Variants in LRRC72 observed in about 807,000 individuals in gnomAD.
The protein encoded by LRRC72 is leucine rich repeat containing 72.
LRRC72 carries 41 observed loss-of-function variants against 35.8 expected under a neutral mutation model. That is an observed-to-expected ratio of 1.15 (90% CI 0.89 to 1.49). The LOEUF (loss-of-function observed/expected upper bound fraction) is 1.49. Ranked by LOEUF, LRRC72 falls within the 40% of genes most tolerant of loss-of-function variation. The pLI, the probability that LRRC72 is intolerant of heterozygous loss-of-function variation, is 0.00. For synonymous variants in LRRC72, 118 were observed against 119.2 expected (o/e 0.99, Z 0.07); for missense variants, 389 against 330.7 (o/e 1.18, Z -1.37).
At chr7:16,542,718 A>G (rs1329089339) in intron 3 of LRRC72, among the ~76,000 whole-genome samples, 2 of 152,216 alleles carry the variant, frequency 1.3e-5, no homozygotes, top group Non-Finnish European at 2.9e-5. Flanking sequence ...TTTGTCCCCA[A>G]AGAATTTCCT....
chr7:16,580,162 C>G, intron 8 of LRRC72, 61 bp downstream of exon 8: 1 of 237,810 alleles, frequency 4.2e-6, no homozygotes, highest in Non-Finnish European at 8.6e-6. Context: ...TGTCCCTTTA[C>G]TTCATCTCCA....
intron 7 of LRRC72, among the ~76,000 whole-genome samples, chr7:16,577,760 A>C (rs558538263): frequency 2.6e-5 from 4 of 152,344 alleles, no homozygotes; most frequent in Admixed American, 1.3e-4. Flanking sequence ...TGGACAAGAC[A>C]TATATACAAA....
chr7:16,552,229 A>G (rs972495312), intron 3 of LRRC72, among the ~76,000 whole-genome samples: 1 of 152,228 alleles, frequency 6.6e-6, no homozygotes, highest in Non-Finnish European at 1.5e-5. Context: ...GTTTTCTCAG[A>G]TCACACATAT....
At chr7:16,553,046 A>G (rs1277996216) in intron 3 of LRRC72, among the ~76,000 whole-genome samples, 1 of 152,186 alleles carries the variant, frequency 6.6e-6, no homozygotes. Flanking sequence ...TATTTTTACA[A>G]TTTGAAAGTT....
intron 3 of LRRC72, among the ~76,000 whole-genome samples, chr7:16,547,794 G>A (rs754909063): frequency 6.6e-5 from 10 of 152,230 alleles, no homozygotes; most frequent in Non-Finnish European, 1.2e-4. Flanking sequence ...AAGGCAGCTC[G>A]GCACTGGCCT....
At chr7:16,545,158 C>A (rs1456541444) in intron 3 of LRRC72, among the ~76,000 whole-genome samples, 1 of 152,108 alleles carries the variant, frequency 6.6e-6, no homozygotes, top group African/African-American at 2.4e-5. Flanking sequence ...GCACACGTAT[C>A]CCAGAACTTA....
At position 16,550,932 on chromosome 7, in the gene LRRC72, C is replaced by T. The variant is rs181782243; in HGVS notation, c.235-6428C>T. ...TCCTTGATTATACTTCCTTCAATTC[C>T]CCGGAGTTTATATTTGTTTGACTTT... On this transcript the variant is annotated intron_variant, in intron 3 of 8. Transcript: ENST00000401542. Among the ~76,000 whole-genome samples, 583 of 152,218 alleles carry T rather than the reference C, an allele frequency of 3.8e-3. 4 individuals are homozygous for T. The highest frequency in any genetic ancestry group is 0.014 in the African/African-American group (563 of 41,552).
At chr7:16,552,625 T>C (rs1011815089) in intron 3 of LRRC72, among the ~76,000 whole-genome samples, 4 of 152,124 alleles carry the variant, frequency 2.6e-5, no homozygotes, top group African/African-American at 9.7e-5. Flanking sequence ...TTAAAAAACA[T>C]AAGAACACCA....
intron 7 of LRRC72, among the ~76,000 whole-genome samples, chr7:16,574,627 A>G (rs1034448814): frequency 6.6e-6 from 1 of 152,028 alleles, no homozygotes; most frequent in Non-Finnish European, 1.5e-5. Flanking sequence ...GGAGAGGAAC[A>G]TCACACACTG....
chr7:16,526,866 G>A lies in LRRC72; in HGVS notation c.-87G>A, dbSNP rs1782075417. On this transcript the variant is annotated 5_prime_UTR_variant, in exon 1 of 9. Coordinates refer to ENST00000401542, the MANE Select transcript of LRRC72 (RefSeq NM_001195280.2). ...GTAACTGTTGGTAACAGAACAACGA[G>A]CTGTGCACCAAGCCAAGTCTCTCTT... 3 of 1,028,778 alleles carry A rather than the reference G, an allele frequency of 2.9e-6. No homozygotes were observed. The highest frequency in any genetic ancestry group is 4.4e-6 in the Non-Finnish European group (3 of 684,764). The allele number at this position is 1,028,778 out of a possible 1,614,324, so 63.7% of individuals were successfully genotyped here.
intron 2 of LRRC72, among the ~76,000 whole-genome samples, chr7:16,536,241 A>G (rs1228306318): frequency 6.6e-6 from 1 of 152,218 alleles, no homozygotes; most frequent in African/African-American, 2.4e-5. Flanking sequence ...CAAAGGTTAT[A>G]CCACCCCAAA....
At chr7:16,547,823 G>C (rs1782475214) in intron 3 of LRRC72, among the ~76,000 whole-genome samples, 1 of 152,220 alleles carries the variant, frequency 6.6e-6, no homozygotes, top group Non-Finnish European at 1.5e-5. Context: ...CCCTTGGCAT[G>C]AACAACCTCA....
chr7:16,540,131 G>A (rs1437170799), intron 3 of LRRC72, among the ~76,000 whole-genome samples: 1 of 152,152 alleles, frequency 6.6e-6, no homozygotes, highest in African/African-American at 2.4e-5. Context: ...GCATCTGTGG[G>A]GGTTGTACCC....
At chr7:16,576,889 A>G (rs1196399407) in intron 7 of LRRC72, among the ~76,000 whole-genome samples, 1 of 152,196 alleles carries the variant, frequency 6.6e-6, no homozygotes, top group African/African-American at 2.4e-5. Context: ...GGAAGACAGA[A>G]GGGTAAGGCC....
intron 3 of LRRC72, among the ~76,000 whole-genome samples, chr7:16,554,711 C>T (rs1480894094): frequency 6.6e-6 from 1 of 152,166 alleles, no homozygotes; most frequent in Non-Finnish European, 1.5e-5. Flanking sequence ...TCCCTTCACT[C>T]CCCCTTACCT....
chr7:16,570,091 T>G (rs1328471436), intron 7 of LRRC72, among the ~76,000 whole-genome samples: 2 of 152,164 alleles, frequency 1.3e-5, no homozygotes, highest in African/African-American at 4.8e-5. Context: ...AGTTCATTGA[T>G]TCCAGAGGCC....
chr7:16,530,039 G>T (rs1782134674), intron 1 of LRRC72: 1 of 151,988 alleles, frequency 6.6e-6, no homozygotes, highest in African/African-American at 2.4e-5. Context: ...ATATTATACT[G>T]CCAATTACTT....
rs866429701 is a variant in LRRC72 at position 16,527,008 on chromosome 7, G to C, written c.56G>C (p.Arg19Thr). The C allele has an allele frequency of 1.9e-6, 3 of 1,539,696 alleles. No homozygotes were observed. Among genetic ancestry groups the C allele is most frequent in the Non-Finnish European group, 2.6e-6 (3 of 1,146,934 alleles). Reference sequence around the variant, plus strand: ...ACCTTGCGATGCTGGCGCCTACGGAGGGCATCCGAAACTGCCCTACAGAGC... The same window carrying C: ...ACCTTGCGATGCTGGCGCCTACGGACGGCATCCGAAACTGCCCTACAGAGC... ...PRTLRCWRLR[R>T]ASETALQSSR... The change falls in exon 1 of 9, where the codon AGG becomes ACG. Residue 19 changes from arginine (R) to threonine (T), a missense_variant. Coordinates refer to ENST00000401542, the MANE Select transcript of LRRC72 (RefSeq NM_001195280.2).
At position 16,526,927 on chromosome 7, in the gene LRRC72, G is replaced by T. The variant is rs1484759930; in HGVS notation, c.-26G>T. The T allele has an allele frequency of 6.5e-7, 1 of 1,531,240 alleles. No individual in the cohort carries two copies. The highest frequency in any genetic ancestry group is 8.8e-7 in the Non-Finnish European group (1 of 1,140,652). 94.9% of individuals were successfully genotyped at this position (1,531,240 alleles called of 1,614,324 possible). A position where few individuals can be genotyped will look rare whatever the true frequency, so the allele number is the denominator to read the frequency against. On this transcript the variant is annotated 5_prime_UTR_variant, in exon 1 of 9. Transcript: ENST00000401542. ...GGCGGGCGAGGCCGGATTAATCACC[G>T]CTGCTTCGGCCGCCCATGTGTCCTG...
Sources: gnomAD v4.1 joint callset for allele counts (sites outside exome capture counted in the v4.1 genomes callset) on GRCh38, gnomAD v4.1.1 for gene constraint, MANE v1.5 for transcripts, NCBI Gene and HGNC (gene_info 2026-07-23, HGNC 2026-07-21) for gene names.